SGIP1: variants seen among roughly 807,000 people sequenced by gnomAD.
SGIP1 encodes the protein SH3GL interacting endocytic adaptor 1.
Under a neutral mutation model 107.5 loss-of-function variants are expected in SGIP1, and 38 were observed. The observed-to-expected ratio is 0.35, with a 90% CI of 0.27 to 0.46. The LOEUF (loss-of-function observed/expected upper bound fraction) is 0.46, where lower values mean the gene tolerates loss of function less well. Among genes scored for constraint, SGIP1 ranks in the 20% least tolerant of loss-of-function variants. The pLI is 1.00. For missense variants in SGIP1, 929 were observed against 1,019.5 expected, an observed-to-expected ratio of 0.91 and a Z score of 1.21; for synonymous variants, 365 against 366.1, an observed-to-expected ratio of 1.00 and a Z score of 0.03.
chr1:66,697,553 G>T (rs535677401), intron 18 of SGIP1, among the ~76,000 whole-genome samples: 1 of 152,068 alleles, frequency 6.6e-6, no homozygotes, highest in Non-Finnish European at 1.5e-5. Context: ...TGTTTCTCTC[G>T]CTAAAAAATG....
intron 1 of SGIP1, 91 bp from the exon 2 acceptor site, chr1:66,625,756 A>G: frequency 9.1e-7 from 1 of 1,102,852 alleles, no homozygotes. Flanking sequence ...CTTTCTAAAC[A>G]TTTAAGTCTA....
In SGIP1 at chr1:66,594,824, C is replaced by G. The variant is rs190287915; in HGVS notation, c.11-31023C>G. Among the ~76,000 whole-genome samples the G allele has an allele frequency of 5.8e-3, 880 of 152,226 alleles. 11 individuals carry two copies. Among genetic ancestry groups the G allele is most frequent in the African/African-American group, 0.02 (825 of 41,524 alleles). ...GGGATAATGATAGGACCCAACCTCACAAGATTGTGGGAGACTTAATGAGGT... is the reference window on the plus strand; with the variant it reads ...GGGATAATGATAGGACCCAACCTCAGAAGATTGTGGGAGACTTAATGAGGT... On this transcript the variant is annotated intron_variant, in intron 1 of 24. Transcript: ENST00000371037.
rs557513380 is a variant in SGIP1, at chr1:66,728,672, C to T, written c.1743-592C>T. On this transcript the variant is annotated intron_variant, in intron 19 of 24. Transcript: ENST00000371037. Reference sequence around the variant, plus strand: ...GCATTGGTATGTTCATTGCAGTACTCTTCACAATAGCTAAGACACAGAGTC... The same window carrying T: ...GCATTGGTATGTTCATTGCAGTACTTTTCACAATAGCTAAGACACAGAGTC... Among the ~76,000 whole-genome samples the T allele has an allele frequency of 2.0e-5, 3 of 152,218 alleles. No individual in the cohort carries two copies. In the East Asian group the frequency reaches 5.8e-4, roughly 29 times the overall value.
At chr1:66,602,947 A>G (rs1380394263) in intron 1 of SGIP1, among the ~76,000 whole-genome samples, 1 of 152,192 alleles carries the variant, frequency 6.6e-6, no homozygotes, top group Non-Finnish European at 1.5e-5. Context: ...TCTGAAAGAA[A>G]ATAACATTCT....
At chr1:66,553,545 G>A (rs1400599686) in intron 1 of SGIP1, among the ~76,000 whole-genome samples, 1 of 151,644 alleles carries the variant, frequency 6.6e-6, no homozygotes, top group Non-Finnish European at 1.5e-5. Flanking sequence ...GTGTGGTGGT[G>A]GGCACCTGTA....
intron 1 of SGIP1, among the ~76,000 whole-genome samples, chr1:66,611,411 C>T (rs1410785208): frequency 6.6e-6 from 1 of 152,208 alleles, no homozygotes; most frequent in Non-Finnish European, 1.5e-5. Context: ...TTCCAAAGAG[C>T]CAAGCTTCTC....
intron 17 of SGIP1, among the ~76,000 whole-genome samples, chr1:66,692,503 T>A (rs897293411): frequency 6.6e-6 from 1 of 152,188 alleles, no homozygotes; most frequent in Non-Finnish European, 1.5e-5. Context: ...GAAGTAAATA[T>A]ATTGTCAAGA....
chr1:66,646,186 G>C (rs754283658), intron 7 of SGIP1, among the ~76,000 whole-genome samples: 7 of 152,070 alleles, frequency 4.6e-5, no homozygotes, highest in Non-Finnish European at 7.4e-5. Flanking sequence ...TTCCTCTCCA[G>C]AGCCAGATAA....
chr1:66,638,847 G>A (rs564806207), intron 4 of SGIP1, among the ~76,000 whole-genome samples: 1 of 152,252 alleles, frequency 6.6e-6, no homozygotes, highest in South Asian at 2.1e-4. Flanking sequence ...AGCCTCATGC[G>A]TCACCATTTG....
intron 19 of SGIP1, among the ~76,000 whole-genome samples, chr1:66,726,383 A>C (rs996149574): frequency 1.3e-5 from 2 of 152,202 alleles, no homozygotes; most frequent in African/African-American, 4.8e-5. Flanking sequence ...TGACACGGTG[A>C]TTATAAACCT....
chr1:66,741,869 G>A (rs980117157), intron 24 of SGIP1, among the ~76,000 whole-genome samples: 7 of 151,776 alleles, frequency 4.6e-5, no homozygotes, highest in Non-Finnish European at 1.0e-4. Context: ...CCGGGTTCAC[G>A]CCATTCTCCT....
At chr1:66,597,700 C>G (rs2064994069) in intron 1 of SGIP1, among the ~76,000 whole-genome samples, 1 of 152,034 alleles carries the variant, frequency 6.6e-6, no homozygotes, top group African/African-American at 2.4e-5. Context: ...AGATGGAACC[C>G]CCGAGTCAGC....
At chr1:66,651,842 TG>T (rs1162591264) in intron 7 of SGIP1, among the ~76,000 whole-genome samples, 2 of 152,212 alleles carry the variant, frequency 1.3e-5, no homozygotes, top group African/African-American at 2.4e-5. Context: ...TTGTTTTAAA[TG>T]TTAAGGAATG....
chr1:66,749,851 C>G lies in SGIP1; in HGVS notation c.*6756C>G, dbSNP rs1044365200. ...GTAACTATCACAAGAACCACTGTCC[C>G]AAGATCCAAAGTCAGATTTTTTTCC... On this transcript the variant is annotated 3_prime_UTR_variant, in exon 25 of 25. Coordinates refer to ENST00000371037, the MANE Select transcript of SGIP1 (RefSeq NM_032291.4). 7.7e-4 allele frequency among the ~76,000 whole-genome samples: 117 copies of G among 152,198 alleles called. 2 individuals carry two copies. Among genetic ancestry groups the G allele is most frequent in the Admixed American group, 6.6e-3 (101 of 15,278 alleles).
chr1:66,555,562 C>A (rs2058060029), intron 1 of SGIP1, among the ~76,000 whole-genome samples: 1 of 152,132 alleles, frequency 6.6e-6, no homozygotes, highest in South Asian at 2.1e-4. Flanking sequence ...ACAAATGACT[C>A]CTTTCCACAA....
chr1:66,568,547 G>A (rs1375102794), intron 1 of SGIP1, among the ~76,000 whole-genome samples: 2 of 152,084 alleles, frequency 1.3e-5, no homozygotes, highest in Non-Finnish European at 2.9e-5. Flanking sequence ...TAGGAGTGGT[G>A]AGAGAGGACG....
chr1:66,669,091 A>C (rs2083214439), intron 9 of SGIP1, among the ~76,000 whole-genome samples: 1 of 152,184 alleles, frequency 6.6e-6, no homozygotes, highest in Non-Finnish European at 1.5e-5. Flanking sequence ...TTGCTTTCTA[A>C]ATTGATACTA....
intron 1 of SGIP1, among the ~76,000 whole-genome samples, chr1:66,582,106 A>C (rs2061904581): frequency 6.6e-6 from 1 of 152,066 alleles, no homozygotes; most frequent in Non-Finnish European, 1.5e-5. Flanking sequence ...TACTCAATGC[A>C]CTTTCCATTC....
chr1:66,537,052 G>A (rs561197545), intron 1 of SGIP1, among the ~76,000 whole-genome samples: 18 of 152,292 alleles, frequency 1.2e-4, no homozygotes, highest in Admixed American at 8.5e-4. Context: ...TCCAATCATA[G>A]ATGATAAATG....
Sources: allele counts gnomAD v4.1 joint callset (sites outside exome capture counted in the v4.1 genomes callset), GRCh38; gene constraint gnomAD v4.1.1; transcripts MANE v1.5; gene names NCBI Gene and HGNC (gene_info 2026-07-23, HGNC 2026-07-21).